Variants in PLAC8 observed in about 807,000 individuals in gnomAD.
PLAC8 encodes placenta-specific gene 8 protein.
In PLAC8, 6 loss-of-function variants were observed where a neutral mutation model predicts 12.6. The ratio of observed to expected loss-of-function variants is 0.48; its 90% CI spans 0.26 to 0.94. The LOEUF (loss-of-function observed/expected upper bound fraction) is 0.94, where lower values mean the gene tolerates loss of function less well. PLAC8 is among the 40% of genes least tolerant of loss of function. The pLI is 0.14. For synonymous variants in PLAC8, 54 were observed against 52.6 expected, an observed-to-expected ratio of 1.03 and a Z score of -0.11; for missense variants, 122 against 152.7, an observed-to-expected ratio of 0.80 and a Z score of 1.06.
chr4:83,103,095 AAAAG>A (rs1732146924), intron 3 of PLAC8, among the ~76,000 whole-genome samples: 2 of 133,166 alleles, frequency 1.5e-5, no homozygotes, highest in South Asian at 2.5e-4. Flanking sequence ...AAAAAAAAAA[AAAAG>A]AAAGCTATTT....
Position 83,102,443 on chromosome 4 carries a change from G to A in PLAC8, c.243+2453C>T, listed in dbSNP as rs1178335230. On this transcript the variant is annotated intron_variant, in intron 3 of 4. Transcript: ENST00000311507. ...AGCCCCAGGTACTCAGGAGGCTGAG[G>A]TGGGAGAATTGCTTGAACCTGGGAG... 2.0e-5 allele frequency among the ~76,000 whole-genome samples: 3 copies of A among 152,214 alleles called. No homozygotes were observed. The South Asian group carries it at 6.2e-4, about 31-fold the overall frequency.
intron 1 of PLAC8, chr4:83,109,611 C>T (rs1732355400): frequency 6.6e-6 from 1 of 152,034 alleles, no homozygotes; most frequent in Non-Finnish European, 1.5e-5. Context: ...GCCTTCGGGC[C>T]TCTTCCAGGG....
Sources: allele counts gnomAD v4.1 joint callset (sites outside exome capture counted in the v4.1 genomes callset), GRCh38; gene constraint gnomAD v4.1.1; transcripts MANE v1.5; gene names NCBI Gene and HGNC (gene_info 2026-07-23, HGNC 2026-07-21).